Variants in SCFD2 observed in about 807,000 individuals in gnomAD.
The protein encoded by SCFD2 is sec1 family domain containing 2, also known as sec1 family domain-containing protein 2.
SCFD2 carries 54 observed loss-of-function variants against 58.9 expected under a neutral mutation model. The ratio of observed to expected loss-of-function variants is 0.92; its 90% CI spans 0.74 to 1.15. The LOEUF (loss-of-function observed/expected upper bound fraction) is 1.15, where lower values mean the gene tolerates loss of function less well. SCFD2 is among the 50% of genes most tolerant of loss of function. The probability of loss-of-function intolerance (pLI) is 0.00; values close to 1 mark genes in which losing one functional copy is unlikely to be tolerated. For missense variants in SCFD2, 805 were observed against 836.6 expected (o/e 0.96, Z 0.47); for synonymous variants, 321 against 335.9 (o/e 0.96, Z 0.49).
intron 4 of SCFD2, among the ~76,000 whole-genome samples, chr4:53,157,323 T>C (rs1726719989): frequency 6.6e-6 from 1 of 152,170 alleles, no homozygotes; most frequent in African/African-American, 2.4e-5. Context: ...TACAAAAAGC[T>C]CATTGATAGG....
At chr4:53,096,545 G>A (rs1437373024) in intron 5 of SCFD2, among the ~76,000 whole-genome samples, 3 of 151,854 alleles carry the variant, frequency 2.0e-5, no homozygotes, top group East Asian at 3.9e-4. Flanking sequence ...CATATCCTTT[G>A]CCCACTTTTT....
chr4:53,361,389 G>A (rs1212162055), intron 1 of SCFD2, among the ~76,000 whole-genome samples: 2 of 152,044 alleles, frequency 1.3e-5, no homozygotes, highest in Non-Finnish European at 2.9e-5. Flanking sequence ...TGTAAAAGTG[G>A]GATTTTTATT....
rs1207500048 is a variant in SCFD2, at chr4:53,296,747, T to A, written c.1135+16889A>T. Among the ~76,000 whole-genome samples the A allele has an allele frequency of 2.0e-5, 3 of 152,220 alleles. No homozygotes were observed. The East Asian group carries it at 5.8e-4, about 29-fold the overall frequency. On this transcript the variant is annotated intron_variant, in intron 3 of 8. Transcript: ENST00000401642. ...GTGATGTTAGGGTATCGATTTTAGA[T>A]CTTTCCTGCTTTCTCTTGTGGGCAT...
At chr4:53,034,045 A>T (rs547484049) in intron 5 of SCFD2, among the ~76,000 whole-genome samples, 1 of 152,194 alleles carries the variant, frequency 6.6e-6, no homozygotes, top group Admixed American at 6.5e-5. Flanking sequence ...CCTGATGAAC[A>T]TCGATGCGAA....
intron 3 of SCFD2, among the ~76,000 whole-genome samples, chr4:53,279,718 G>C (rs1321328508): frequency 6.6e-6 from 1 of 152,184 alleles, no homozygotes; most frequent in Non-Finnish European, 1.5e-5. Context: ...AAAAAGGAAA[G>C]AGGTTTAATG....
In SCFD2 at chr4:53,325,201, G is replaced by A. The variant is rs182959763; in HGVS notation, c.1008-11438C>T. ...GATGTGTGTGTGTGTGCGCGTGCGC[G>A]CACGCTTACATATTTGTGACAGTAA... On this transcript the variant is annotated intron_variant, in intron 2 of 8. Transcript: ENST00000401642. Among the ~76,000 whole-genome samples the A allele has an allele frequency of 3.1e-3, 462 of 150,438 alleles. 4 individuals are homozygous for A. Among genetic ancestry groups the A allele is most frequent in the Middle Eastern group, 0.02 (6 of 294 alleles).
rs931550300 is a variant in SCFD2 at position 53,097,776 on chromosome 4, G to T, written c.1561+47557C>A. ...TGTTGAATAGGAGTGGTGAGAGAGG[G>T]CATCCCTGTCTTGTGCCAGTTTTCA... On this transcript the variant is annotated intron_variant, in intron 5 of 8. Transcript: ENST00000401642. 9.9e-4 allele frequency among the ~76,000 whole-genome samples: 150 copies of T among 152,256 alleles called. 1 individual carries two copies. Among genetic ancestry groups the T allele is most frequent in the Non-Finnish European group, 9.3e-4 (63 of 68,022 alleles).
chr4:52,954,189 C>T (rs763058111), intron 5 of SCFD2, among the ~76,000 whole-genome samples: 5 of 152,190 alleles, frequency 3.3e-5, no homozygotes, highest in Non-Finnish European at 7.4e-5. Context: ...TTTCTGTCAC[C>T]ACAACCTCCT....
At chr4:52,887,999 T>C (rs887230847) in intron 7 of SCFD2, among the ~76,000 whole-genome samples, 32 of 145,592 alleles carry the variant, frequency 2.2e-4, no homozygotes, top group Non-Finnish European at 3.7e-4. Flanking sequence ...CAAGCTCCGC[T>C]TCCCGGGTTC....
intron 1 of SCFD2, among the ~76,000 whole-genome samples, chr4:53,362,658 TCTTTCA>T: frequency 6.8e-6 from 1 of 146,130 alleles, no homozygotes; most frequent in Non-Finnish European, 1.5e-5. Flanking sequence ...TATAGACAAC[TCTTTCA>T]AGTTTGCTAT....
intron 2 of SCFD2, among the ~76,000 whole-genome samples, chr4:53,326,322 T>C (rs1294104475): frequency 6.6e-6 from 1 of 152,114 alleles, no homozygotes; most frequent in Non-Finnish European, 1.5e-5. Context: ...TTTGTATTTT[T>C]TGTAGTGACA....
intron 5 of SCFD2, among the ~76,000 whole-genome samples, chr4:53,044,747 ATTATTGG>A (rs1290848503): frequency 6.6e-6 from 1 of 151,772 alleles, no homozygotes; most frequent in Non-Finnish European, 1.5e-5. Context: ...CTGTCCTAAG[ATTATTGG>A]CAGTGTAGGA....
At chr4:53,160,983 C>T in intron 4 of SCFD2, among the ~76,000 whole-genome samples, 1 of 152,056 alleles carries the variant, frequency 6.6e-6, no homozygotes, top group Non-Finnish European at 1.5e-5. Flanking sequence ...TATTACATAA[C>T]AATGAGAATG....
At chr4:52,913,336 C>T (rs1719530365) in intron 6 of SCFD2, among the ~76,000 whole-genome samples, 3 of 152,190 alleles carry the variant, frequency 2.0e-5, no homozygotes, top group Admixed American at 2.0e-4. Context: ...TGCATTACCG[C>T]CTGAGTTCCG....
At chr4:53,005,848 C>T (rs199743714) in intron 5 of SCFD2, among the ~76,000 whole-genome samples, 5 of 152,128 alleles carry the variant, frequency 3.3e-5, no homozygotes, top group South Asian at 2.1e-4. Context: ...AAAGTAAAGC[C>T]GACATTCACC....
chr4:52,940,750 T>C (rs771028389), intron 5 of SCFD2, among the ~76,000 whole-genome samples: 21 of 152,298 alleles, frequency 1.4e-4, no homozygotes, highest in Admixed American at 5.2e-4. Context: ...CTTCTTGTTG[T>C]AGGACTAAGC....
At chr4:53,234,267 C>T (rs892426161) in intron 4 of SCFD2, among the ~76,000 whole-genome samples, 2 of 152,156 alleles carry the variant, frequency 1.3e-5, no homozygotes, top group Non-Finnish European at 2.9e-5. Context: ...AAACAGAATA[C>T]TTTGGAAAAG....
chr4:53,189,813 C>T (rs946936617), intron 4 of SCFD2, among the ~76,000 whole-genome samples: 1 of 152,182 alleles, frequency 6.6e-6, no homozygotes, highest in Non-Finnish European at 1.5e-5. Flanking sequence ...ATCTGTGTGA[C>T]TGTCATTGTA....
At chr4:53,111,542 T>C (rs969138388) in intron 5 of SCFD2, among the ~76,000 whole-genome samples, 2 of 152,146 alleles carry the variant, frequency 1.3e-5, no homozygotes, top group Admixed American at 6.6e-5. Flanking sequence ...TAAATATTAC[T>C]TGATTAGGAA....
Sources: allele counts gnomAD v4.1 joint callset (sites outside exome capture counted in the v4.1 genomes callset), GRCh38; gene constraint gnomAD v4.1.1; transcripts MANE v1.5; gene names NCBI Gene and HGNC (gene_info 2026-07-23, HGNC 2026-07-21).